ANKRD30B: variants seen among roughly 807,000 people sequenced by gnomAD.
The protein encoded by ANKRD30B is ankyrin repeat domain-containing protein 30B.
A neutral mutation model predicts 202.2 loss-of-function variants in ANKRD30B; 144 were observed. The observed-to-expected ratio is 0.71, with a 90% CI of 0.62 to 0.82. ANKRD30B has a LOEUF of 0.82. Among genes scored for constraint, ANKRD30B ranks in the 40% least tolerant of loss-of-function variants. The pLI is 0.00. For synonymous variants in ANKRD30B, 508 were observed against 561.3 expected, an observed-to-expected ratio of 0.91 and a Z score of 1.34; for missense variants, 1,487 against 1,669.1, an observed-to-expected ratio of 0.89 and a Z score of 1.90.
intron 34 of ANKRD30B, among the ~76,000 whole-genome samples, 180 bp downstream of exon 34, chr18:14,831,635 T>C (rs1970946925): frequency 2.0e-5 from 3 of 152,194 alleles, no homozygotes; most frequent in Admixed American, 1.3e-4. Context: ...TTTTTTTGTT[T>C]TTTTGTTTGT....
chr18:14,792,312 A>C (rs1477343366), intron 16 of ANKRD30B, among the ~76,000 whole-genome samples: 2 of 152,142 alleles, frequency 1.3e-5, no homozygotes, highest in Non-Finnish European at 2.9e-5. Flanking sequence ...TCAGGACAGA[A>C]AAGGGTCAGG....
At chr18:14,893,278 G>T in the ANKRD30B span, among the ~76,000 whole-genome samples, 1 of 152,122 alleles carries the variant, frequency 6.6e-6, no homozygotes, top group Non-Finnish European at 1.5e-5. Context: ...GCAGTGTGGG[G>T]AGTGATGTTC....
the ANKRD30B span, among the ~76,000 whole-genome samples, chr18:14,907,935 A>T: frequency 2.6e-5 from 4 of 152,100 alleles, no homozygotes; most frequent in African/African-American, 9.7e-5. Flanking sequence ...TTTTCCCCAG[A>T]AGGTTTCATA....
Position 14,819,179 on chromosome 18 carries a change from C to T in ANKRD30B, c.2642-3304C>T, listed in dbSNP as rs1358485974. ...TGTCTTCTTTTGAGAAGTGTCTGTT[C>T]ATGTCCTTCGCCCACTTTTTGATGG... On this transcript the variant is annotated intron_variant, in intron 30 of 43. Transcript: ENST00000690538. Among the ~76,000 whole-genome samples, 193 of 147,946 alleles carry T rather than the reference C, an allele frequency of 1.3e-3. 2 individuals are homozygous for T. The highest frequency in any genetic ancestry group is 4.5e-3 in the African/African-American group (183 of 40,324).
intron 10 of ANKRD30B, among the ~76,000 whole-genome samples, chr18:14,778,396 G>C (rs1192525465): frequency 6.6e-6 from 1 of 152,234 alleles, no homozygotes; most frequent in Admixed American, 6.5e-5. Context: ...AATAGAGGAT[G>C]GTAAAATAAA....
intron 30 of ANKRD30B, among the ~76,000 whole-genome samples, chr18:14,821,980 C>T (rs1256989853): frequency 6.6e-6 from 1 of 152,116 alleles, no homozygotes; most frequent in Non-Finnish European, 1.5e-5. Context: ...TTTGAATTCT[C>T]ATCGGAGCTT....
chr18:14,838,341 A>G (rs1451581982), intron 36 of ANKRD30B, among the ~76,000 whole-genome samples: 9 of 152,218 alleles, frequency 5.9e-5, no homozygotes, highest in Non-Finnish European at 1.2e-4. Flanking sequence ...TCTTAGTCTT[A>G]CTCAACTTGG....
At position 14,850,194 on chromosome 18, in the gene ANKRD30B, A is replaced by T; in HGVS notation, c.3396-20A>T. 1 of 1,436,746 alleles carries T rather than the reference A, an allele frequency of 7.0e-7. No individual in the cohort carries two copies. Among genetic ancestry groups the T allele is most frequent in the South Asian group, 1.4e-5 (1 of 71,700 alleles). 89.0% of individuals were successfully genotyped at this position (1,436,746 alleles called of 1,614,324 possible). ...ATTTTCTAACAAAATGAATTTTAAG[A>T]TAAGTATGTTTAATGGCAGATTGAC... On this transcript the variant is annotated intron_variant, in intron 40 of 43. Transcript: ENST00000690538.
the ANKRD30B span, among the ~76,000 whole-genome samples, chr18:14,899,887 A>AAAAAAGATTACAGTATGCCTT: frequency 6.6e-6 from 1 of 152,168 alleles, no homozygotes; most frequent in Admixed American, 6.5e-5. Context: ...ATGACAATGA[A>AAAAAAGATTACAGTATGCCTT]TGAACTTATT....
At chr18:14,827,429 A>T (rs943396672) in intron 32 of ANKRD30B, among the ~76,000 whole-genome samples, 22 of 152,162 alleles carry the variant, frequency 1.4e-4, no homozygotes, top group Admixed American at 8.5e-4. Flanking sequence ...TGTGTGAGGG[A>T]AGTCTTGTGA....
rs1286324583 is a variant in ANKRD30B at position 14,852,339 on chromosome 18, G to C, written c.4395G>C (p.Glu1465Asp). The C allele has an allele frequency of 6.5e-7, 1 of 1,538,730 alleles. No homozygotes were observed. Among genetic ancestry groups the C allele is most frequent in the South Asian group, 1.2e-5 (1 of 82,372 alleles). The stretch of plus-strand genomic sequence containing the variant: ...TGAAAATGCAACGTCATCTAAACGA[G>C]AAAAATGAGGAGGTATTCAATTATG... ...PEMKMQRHLNEKNEEVFNYGN... is the reference protein window; with the variant it reads ...PEMKMQRHLNDKNEEVFNYGN... The change falls in exon 42 of 44, where the codon GAG (glutamate) becomes GAC (aspartate). Residue 1465 changes from glutamate (E) to aspartate (D), a missense_variant. Glu to Asp is a conservative substitution (Grantham distance 45, BLOSUM62 2). Around this residue, in one of 6 missense-constraint regions of ANKRD30B, gnomAD observed 182 missense variants for 216.0 expected, o/e 0.84. Coordinates refer to ENST00000690538, the MANE Select transcript of ANKRD30B (RefSeq NM_001367607.2).
At chr18:14,777,929 T>A in intron 9 of ANKRD30B, 56 bp from the exon 10 acceptor site, 1 of 1,330,964 alleles carries the variant, frequency 7.5e-7, no homozygotes. Flanking sequence ...AGACTTCATC[T>A]CAAAAAAACA....
chr18:14,822,051 A>G (rs1002122586), intron 30 of ANKRD30B, among the ~76,000 whole-genome samples: 2 of 152,074 alleles, frequency 1.3e-5, no homozygotes, highest in Non-Finnish European at 2.9e-5. Flanking sequence ...GTATATTGAC[A>G]TAAGTGATTC....
chr18:14,862,227 A>G, the ANKRD30B span, among the ~76,000 whole-genome samples: 2 of 151,698 alleles, frequency 1.3e-5, no homozygotes, highest in African/African-American at 4.8e-5. Flanking sequence ...ACACACTAGA[A>G]AAGAACAAAC....
chr18:14,922,617 C>T, the ANKRD30B span, among the ~76,000 whole-genome samples: 33 of 147,106 alleles, frequency 2.2e-4, no homozygotes, highest in South Asian at 1.7e-3. Context: ...ATCGCGCCAC[C>T]GCACTCCAGC....
At chr18:14,777,334 C>T (rs1020400880) in intron 9 of ANKRD30B, among the ~76,000 whole-genome samples, 32 of 151,850 alleles carry the variant, frequency 2.1e-4, no homozygotes, top group African/African-American at 6.5e-4. Context: ...AGTCTTGCTC[C>T]GTCACCATGC....
intron 18 of ANKRD30B, among the ~76,000 whole-genome samples, 157 bp from the exon 19 acceptor site, chr18:14,797,504 T>C (rs966857387): frequency 1.5e-4 from 23 of 152,186 alleles, no homozygotes; most frequent in African/African-American, 5.3e-4. Flanking sequence ...ACAGTTGGCA[T>C]GTTAACAAAT....
chr18:14,790,302 G>C lies in ANKRD30B; in HGVS notation c.1735-1099G>C, dbSNP rs532186797. Reference sequence around the variant, plus strand: ...AGGAGATTTTGGGCTGAGACAATGGGGTTTTCTAGATATACAATCATGTCA... The same window carrying C: ...AGGAGATTTTGGGCTGAGACAATGGCGTTTTCTAGATATACAATCATGTCA... On this transcript the variant is annotated intron_variant, in intron 15 of 43. Coordinates refer to ENST00000690538, the MANE Select transcript of ANKRD30B (RefSeq NM_001367607.2). Among the ~76,000 whole-genome samples, 8 of 152,166 alleles carry C rather than the reference G, an allele frequency of 5.3e-5. No individual in the cohort carries two copies. In the South Asian group the frequency reaches 1.7e-3, roughly 32 times the overall value.
At chr18:14,776,741 G>T (rs963948294) in intron 9 of ANKRD30B, among the ~76,000 whole-genome samples, 1 of 152,136 alleles carries the variant, frequency 6.6e-6, no homozygotes, top group Non-Finnish European at 1.5e-5. Context: ...TGTGTATTAA[G>T]AATGAATTGC....
Sources: gnomAD v4.1 joint callset for allele counts (sites outside exome capture counted in the v4.1 genomes callset) on GRCh38, gnomAD v4.1.1 for gene constraint, gnomAD v4.1.1 regional missense constraint, MANE v1.5 for transcripts, NCBI Gene and HGNC (gene_info 2026-07-23, HGNC 2026-07-21) for gene names.